Variants in AGT observed in about 807,000 individuals in gnomAD.
The protein encoded by AGT is angiotensinogen.
AGT carries 26 observed loss-of-function variants against 28.1 expected under a neutral mutation model. The observed-to-expected ratio is 0.92, with a 90% CI of 0.68 to 1.28. The LOEUF (loss-of-function observed/expected upper bound fraction) is 1.28. Among genes scored for constraint, AGT ranks in the 50% most tolerant of loss-of-function variants. AGT has a pLI of 0.00. For missense variants in AGT, 596 were observed against 592.3 expected, an observed-to-expected ratio of 1.01 and a Z score of -0.06; for synonymous variants, 259 against 259.6, an observed-to-expected ratio of 1.00 and a Z score of 0.02.
At position 230,702,967 on chromosome 1, in the gene AGT, T is replaced by C. The variant is rs571772468; in HGVS notation, c.*174A>G. 2.7e-5 allele frequency: 19 copies of C among 704,878 alleles called. No individual in the cohort carries two copies. The South Asian group carries it at 3.6e-4, about 13-fold the overall frequency. The allele number at this position is 704,878 out of a possible 1,614,324, so 43.7% of individuals were successfully genotyped here. The stretch of plus-strand genomic sequence containing the variant: ...TACTGCTCACTCCATGCAGCACACT[T>C]AGACCAAGGAGAAACGGCTGCTTTC... On this transcript the variant is annotated 3_prime_UTR_variant, in exon 5 of 5. Coordinates refer to ENST00000366667, the MANE Select transcript of AGT (RefSeq NM_001384479.1).
rs1663528609 is a variant in AGT at position 230,710,080 on chromosome 1, A to G, written c.744T>C (p.Ala248=). The G allele has an allele frequency of 6.2e-7, 1 of 1,614,204 alleles. No homozygotes were observed. The change falls in exon 2 of 5, where the codon GCT becomes GCC. Residue 248 remains alanine (A), a synonymous_variant. Transcript: ENST00000366667. The part of the protein sequence containing the change: ...AAEKIDRFMQ[A]VTGWKTGCSL... Reference sequence around the variant, plus strand: ...AGCAGCCAGTCTTCCATCCTGTCACAGCCTGCATGAACCTGTCAATCTTCT... The same window carrying G: ...AGCAGCCAGTCTTCCATCCTGTCACGGCCTGCATGAACCTGTCAATCTTCT...
rs528063753 is a variant in AGT at position 230,711,296 on chromosome 1, G to A, written c.-30-443C>T. Reference sequence around the variant, plus strand: ...TGTGGGGACACAGAGGGAAGACCATGTGGGGACACAGAGAGAAGACGGCCA... The same window carrying A: ...TGTGGGGACACAGAGGGAAGACCATATGGGGACACAGAGAGAAGACGGCCA... On this transcript the variant is annotated intron_variant, in intron 1 of 4. Transcript: ENST00000366667. 1.3e-4 allele frequency among the ~76,000 whole-genome samples: 20 copies of A among 152,226 alleles called. No homozygotes were observed. In the East Asian group the frequency reaches 3.5e-3, roughly 26 times the overall value.
chr1:230,733,869 G>A (rs1242649710), intron 1 of AGT, among the ~76,000 whole-genome samples: 2 of 151,930 alleles, frequency 1.3e-5, no homozygotes, highest in Non-Finnish European at 2.9e-5. Flanking sequence ...TGTCTTCTGC[G>A]TGGAGACCAT....
intron 1 of AGT, among the ~76,000 whole-genome samples, chr1:230,726,788 C>T (rs1370801533): frequency 2.6e-5 from 4 of 152,122 alleles, no homozygotes; most frequent in Non-Finnish European, 5.9e-5. Context: ...TGCCATTCAT[C>T]TCATTCTTCC....
At chr1:230,733,560 C>G (rs753641487) in intron 1 of AGT, among the ~76,000 whole-genome samples, 1 of 152,154 alleles carries the variant, frequency 6.6e-6, no homozygotes, top group Non-Finnish European at 1.5e-5. Flanking sequence ...ACAGTTGTCT[C>G]ATTTGCTACA....
At chr1:230,704,473 A>T in intron 3 of AGT, 136 bp from the exon 4 acceptor site, 1 of 1,202,382 alleles carries the variant, frequency 8.3e-7, no homozygotes, top group South Asian at 1.3e-5. Context: ...CAACTAAGTC[A>T]TCCTCCCCCT....
intron 1 of AGT, among the ~76,000 whole-genome samples, chr1:230,734,322 C>T (rs754759649): frequency 2.2e-4 from 33 of 151,648 alleles, no homozygotes; most frequent in Non-Finnish European, 2.4e-4. Context: ...TCCACTTTTA[C>T]GAGGTTCTTA....
intron 1 of AGT, among the ~76,000 whole-genome samples, chr1:230,722,995 T>C (rs769624963): frequency 2.6e-5 from 4 of 152,142 alleles, no homozygotes; most frequent in Non-Finnish European, 5.9e-5. Context: ...TCATCTCGAA[T>C]TGTAATCCCC....
At chr1:230,703,551 A>G (rs888093710) in intron 4 of AGT, among the ~76,000 whole-genome samples, 3 of 152,176 alleles carry the variant, frequency 2.0e-5, no homozygotes, top group African/African-American at 7.2e-5. Flanking sequence ...ACAATGGCCA[A>G]ACTCACATGC....
intron 2 of AGT, among the ~76,000 whole-genome samples, 160 bp from the exon 3 acceptor site, chr1:230,706,360 C>T (rs948468518): frequency 2.6e-5 from 4 of 152,266 alleles, no homozygotes; most frequent in African/African-American, 7.2e-5. Flanking sequence ...GCCACAGGAC[C>T]GCAAGTGTGG....
chr1:230,707,682 T>C (rs1357041884), intron 2 of AGT, among the ~76,000 whole-genome samples: 1 of 152,242 alleles, frequency 6.6e-6, no homozygotes, highest in African/African-American at 2.4e-5. Context: ...GCAAGGCTTT[T>C]AGTTTAGAGG....
chr1:230,743,400 T>C (rs1664283606), intron 1 of AGT, among the ~76,000 whole-genome samples: 1 of 152,192 alleles, frequency 6.6e-6, no homozygotes, highest in Non-Finnish European at 1.5e-5. Context: ...GGACGCCACC[T>C]TTACACCTCC....
At chr1:230,717,467 C>A (rs1244532864), upstream of AGT, among the ~76,000 whole-genome samples, 4 of 152,112 alleles carry the variant, frequency 2.6e-5, no homozygotes, top group African/African-American at 7.2e-5. Flanking sequence ...AACCTGGAAC[C>A]AGCTGTATGA....
Position 230,703,148 on chromosome 1 carries a change from G to A in AGT, c.1424C>T (p.Thr475Ile), listed in dbSNP as rs746358770. The A allele has an allele frequency of 1.2e-6, 2 of 1,613,688 alleles. No individual in the cohort carries two copies. Among genetic ancestry groups the A allele is most frequent in the Admixed American group, 1.7e-5 (1 of 60,032 alleles). ...TGTTCTGGGGCCCTGGCCTCATGCT[G>A]TGCTCAGCGGGTTGGCCACGCGGCC... ...FLGRVANPLS[T>I]A The change falls in exon 5 of 5, where the codon ACA becomes ATA. Residue 475 changes from threonine to isoleucine, a missense_variant. Thr to Ile is a moderately conservative substitution (Grantham distance 89). Coordinates refer to ENST00000366667, the MANE Select transcript of AGT (RefSeq NM_001384479.1).
intron 1 of AGT, among the ~76,000 whole-genome samples, chr1:230,713,702 C>T (rs1272847984): frequency 5.9e-5 from 9 of 152,110 alleles, no homozygotes; most frequent in African/African-American, 1.7e-4. Flanking sequence ...GGAGACTGAC[C>T]GAGCCCGGCC....
At position 230,733,674 on chromosome 1, in the gene AGT, T is replaced by C. The variant is rs113564751; in HGVS notation, c.-31+11841A>G. On this transcript the variant is annotated intron_variant, in intron 1 of 4. Coordinates refer to the AGT transcript ENST00000681269. ...TGGAGAACTTGGCAATGAAGTTCAT[T>C]GAGTTGGGATGAGCTAATCCAATCA... 4.9e-3 allele frequency among the ~76,000 whole-genome samples: 749 copies of C among 152,356 alleles called. 10 individuals carry two copies. Among genetic ancestry groups the C allele is most frequent in the African/African-American group, 0.016 (683 of 41,590 alleles).
chr1:230,706,850 C>T (rs1291305611), intron 2 of AGT, among the ~76,000 whole-genome samples: 2 of 152,186 alleles, frequency 1.3e-5, no homozygotes, highest in Admixed American at 6.5e-5. Context: ...GTGGCCACCA[C>T]CGCACTATCC....
chr1:230,703,895 G>A lies in AGT; in HGVS notation c.1242+298C>T, dbSNP rs113350729. 2.6e-5 allele frequency among the ~76,000 whole-genome samples: 4 copies of A among 152,162 alleles called. No homozygotes were observed. In the East Asian group the frequency reaches 5.8e-4, roughly 22 times the overall value. Reference sequence around the variant, plus strand: ...CAGGGGTGCTTGCTGTCTTCATCCCGGTTTCAACTCCACTATAGGAACCCT... The same window carrying A: ...CAGGGGTGCTTGCTGTCTTCATCCCAGTTTCAACTCCACTATAGGAACCCT... On this transcript the variant is annotated intron_variant, in intron 4 of 4. Transcript: ENST00000366667.
At chr1:230,728,791 T>C (rs965131012) in intron 1 of AGT, among the ~76,000 whole-genome samples, 7 of 152,212 alleles carry the variant, frequency 4.6e-5, no homozygotes, top group African/African-American at 1.7e-4. Context: ...AGTTTTGCTC[T>C]TGCCTCACAT....
Sources: allele counts gnomAD v4.1 joint callset (sites outside exome capture counted in the v4.1 genomes callset), GRCh38; gene constraint gnomAD v4.1.1; transcripts MANE v1.5; gene names NCBI Gene and HGNC (gene_info 2026-07-23, HGNC 2026-07-21).